The following CHST11 variants were observed in gnomAD, a reference collection of about 807,000 sequenced individuals.
The protein encoded by CHST11 is C4S-1.
A neutral mutation model predicts 30.4 loss-of-function variants in CHST11; 9 were observed. That is an observed-to-expected ratio of 0.30 (90% CI 0.18 to 0.52). CHST11 has a LOEUF of 0.52. Among genes scored for constraint, CHST11 ranks in the 20% least tolerant of loss-of-function variants. CHST11 has a pLI of 0.97. For synonymous variants in CHST11, 152 were observed against 187.8 expected (o/e 0.81, Z 1.56); for missense variants, 348 against 460.6 (o/e 0.76, Z 2.24).
rs116428336 is a variant in CHST11 at position 104,682,417 on chromosome 12, A to G, written c.205-74532A>G. Among the ~76,000 whole-genome samples, 999 of 152,378 alleles carry G rather than the reference A, an allele frequency of 6.6e-3. 14 individuals are homozygous for G. The highest frequency in any genetic ancestry group is 0.023 in the African/African-American group (947 of 41,582). On this transcript the variant is annotated intron_variant, in intron 2 of 2. Transcript: ENST00000303694. ...CAAAAGAAAAGATCAGTAATATTCTATAAGCTTTGACCTGCCTGAAGAAAC... is the reference window on the plus strand; with the variant it reads ...CAAAAGAAAAGATCAGTAATATTCTGTAAGCTTTGACCTGCCTGAAGAAAC...
In CHST11 at chr12:104,757,561, T is replaced by C; in HGVS notation, c.817T>C (p.Tyr273His). 6.2e-7 allele frequency: 1 copy of C among 1,614,136 alleles called. No homozygotes were observed. Among genetic ancestry groups the C allele is most frequent in the Non-Finnish European group, 8.5e-7 (1 of 1,180,022 alleles). ...ACTCTGCCATCCCTGCCACATCCAC[T>C]ATGACCTCGTGGGCAAGTACGAGAC... ...YSLCHPCHIH[Y>H]DLVGKYETLE... The change falls in exon 3 of 3, where the codon TAT becomes CAT. Residue 273 changes from tyrosine (Y) to histidine (H), a missense_variant. Physicochemically the swap from Tyr to His is moderately conservative, Grantham distance 83. Around this residue, in one of 3 missense-constraint regions of CHST11, gnomAD observed 210 missense variants for 287.2 expected, o/e 0.73. Transcript: ENST00000303694. This position sits in a 1 kb window ranked among gnomAD's most constrained non-coding sequence, Gnocchi z 6.5.
intron 1 of CHST11, among the ~76,000 whole-genome samples, chr12:104,592,187 G>C (rs11112121): frequency 1.4e-5 from 2 of 144,234 alleles, no homozygotes; most frequent in African/African-American, 5.1e-5. Flanking sequence ...CTCCCTTCCC[G>C]TCTCTCATGC....
At position 104,581,350 on chromosome 12, in the gene CHST11, A is replaced by G. The variant is rs146535886; in HGVS notation, c.119-20556A>G. On this transcript the variant is annotated intron_variant, in intron 1 of 2. Transcript: ENST00000303694. The stretch of plus-strand genomic sequence containing the variant: ...ATATTAGTACTATCTATGTTTATAT[A>G]TGTATATCTGTGTTTATGATTCAAG... 1.6e-3 allele frequency among the ~76,000 whole-genome samples: 251 copies of G among 152,304 alleles called. 1 individual carries two copies. The highest frequency in any genetic ancestry group is 5.8e-3 in the African/African-American group (240 of 41,560).
chr12:104,699,031 G>A (rs937948751), intron 2 of CHST11, among the ~76,000 whole-genome samples: 6 of 152,162 alleles, frequency 3.9e-5, no homozygotes, highest in East Asian at 1.9e-4. Flanking sequence ...TAAATGACTC[G>A]GCTGCATTTT....
intron 1 of CHST11, among the ~76,000 whole-genome samples, chr12:104,520,043 G>A (rs1396469817): frequency 6.6e-6 from 1 of 152,190 alleles, no homozygotes; most frequent in African/African-American, 2.4e-5. Flanking sequence ...GGGTGCAGGA[G>A]CTCCATGTTC....
intron 1 of CHST11, among the ~76,000 whole-genome samples, chr12:104,568,288 TA>T (rs2038588217): frequency 6.6e-6 from 1 of 152,216 alleles, no homozygotes; most frequent in South Asian, 2.1e-4. Context: ...GTCTAGCAGC[TA>T]CCGTTGCCAT....
intron 2 of CHST11, among the ~76,000 whole-genome samples, chr12:104,638,731 G>A (rs952786727): frequency 1.3e-4 from 20 of 152,166 alleles, no homozygotes; most frequent in African/African-American, 3.6e-4. Flanking sequence ...TGAAATCTCC[G>A]ATGAATATGT....
At chr12:104,599,361 C>T (rs764072850) in intron 1 of CHST11, among the ~76,000 whole-genome samples, 2 of 152,186 alleles carry the variant, frequency 1.3e-5, no homozygotes, top group South Asian at 2.1e-4. Flanking sequence ...CTTTTCACCG[C>T]GCGGTCCCGG....
rs1331451184 is a variant in CHST11 at position 104,676,997 on chromosome 12, ACATTT to A, written c.204+75013_204+75017del. Among the ~76,000 whole-genome samples, 2 of 152,164 alleles carry A rather than the reference ACATTT, an allele frequency of 1.3e-5. No individual in the cohort carries two copies. Among genetic ancestry groups the A allele is most frequent in the Non-Finnish European group, 2.9e-5 (2 of 68,032 alleles). Reference sequence around the variant, plus strand: ...TAGCCTGTGAGCCTAGGCTAAGCAGACATTTCATTTCTTCGCCCTTCTCCAACCTT... The same window carrying A: ...TAGCCTGTGAGCCTAGGCTAAGCAGACATTTCTTCGCCCTTCTCCAACCTT... On this transcript the variant is annotated intron_variant, in intron 2 of 2. Coordinates refer to ENST00000303694, the MANE Select transcript of CHST11 (RefSeq NM_018413.6). This position sits in a 1 kb window ranked among gnomAD's most constrained non-coding sequence, Gnocchi z 4.4.
At chr12:104,750,023 A>G (rs1009013578) in intron 2 of CHST11, among the ~76,000 whole-genome samples, 2 of 151,674 alleles carry the variant, frequency 1.3e-5, no homozygotes, top group African/African-American at 2.4e-5. Flanking sequence ...TCTGCCCCGG[A>G]TAACCTAGTT....
At chr12:104,632,277 G>T (rs75599762) in intron 2 of CHST11, among the ~76,000 whole-genome samples, 3,700 of 152,152 alleles carry the variant, frequency 0.024, 125 homozygotes, top group African/African-American at 0.076. Flanking sequence ...GCAAGCAGAG[G>T]TGTAGTGGGG....
intron 1 of CHST11, among the ~76,000 whole-genome samples, chr12:104,513,568 A>G (rs12301935): frequency 0.028 from 4,254 of 152,248 alleles, 210 homozygotes; most frequent in African/African-American, 0.097. Flanking sequence ...TGTGTCATTA[A>G]CTTTTTCCTG....
At chr12:104,539,138 CCA>C (rs1367492527) in intron 1 of CHST11, among the ~76,000 whole-genome samples, 1 of 152,186 alleles carries the variant, frequency 6.6e-6, no homozygotes, top group Non-Finnish European at 1.5e-5. Context: ...TTCCCTCTAC[CCA>C]CAAGCAGCTT....
intron 2 of CHST11, among the ~76,000 whole-genome samples, chr12:104,731,933 A>T (rs1254337707): frequency 6.6e-6 from 1 of 152,262 alleles, no homozygotes; most frequent in Non-Finnish European, 1.5e-5. Flanking sequence ...AGCCTGCCCC[A>T]GGGGCTGGCA....
rs140664329 is a variant in CHST11, at chr12:104,496,293, A to G, written c.118+38764A>G. Among the ~76,000 whole-genome samples, 98 of 152,360 alleles carry G rather than the reference A, an allele frequency of 6.4e-4. 1 individual carries two copies. Among genetic ancestry groups the G allele is most frequent in the African/African-American group, 2.1e-3 (89 of 41,578 alleles). On this transcript the variant is annotated intron_variant, in intron 1 of 2. Transcript: ENST00000303694. ...GCCACCAGATTTTCTGGAAAGCCAT[A>G]CATGTGCTATAATGCCTGTCAAATA... is the stretch of plus-strand genomic sequence containing the variant.
chr12:104,608,045 T>C (rs997602558), intron 2 of CHST11, among the ~76,000 whole-genome samples: 19 of 152,114 alleles, frequency 1.2e-4, no homozygotes, highest in Non-Finnish European at 2.2e-4. Flanking sequence ...AAATGACCAG[T>C]GCGCAGGCCT....
chr12:104,591,235 G>A (rs1373448947), intron 1 of CHST11, among the ~76,000 whole-genome samples: 2 of 152,186 alleles, frequency 1.3e-5, no homozygotes, highest in African/African-American at 2.4e-5. Context: ...TTTGGATTTT[G>A]TTCTAAGATG....
chr12:104,644,276 C>T (rs753656680), intron 2 of CHST11, among the ~76,000 whole-genome samples: 2 of 152,202 alleles, frequency 1.3e-5, no homozygotes, highest in Non-Finnish European at 2.9e-5. Flanking sequence ...CTCCCGCATG[C>T]ACTTGCTGCA....
Position 104,697,124 on chromosome 12 carries a change from C to G in CHST11, c.205-59825C>G, listed in dbSNP as rs918378881. On this transcript the variant is annotated intron_variant, in intron 2 of 2. Transcript: ENST00000303694. ...TCAGATGCACAAGTATAAGTGTGTC[C>G]CTATAGTGTGTGTCTCAGGACACCC... is the stretch of plus-strand genomic sequence containing the variant. Among the ~76,000 whole-genome samples, 31 of 152,246 alleles carry G rather than the reference C, an allele frequency of 2.0e-4. 2 individuals are homozygous for G. The highest frequency in any genetic ancestry group is 9.2e-4 in the Admixed American group (14 of 15,288).
Sources: gnomAD v4.1 joint callset for allele counts (sites outside exome capture counted in the v4.1 genomes callset) on GRCh38, gnomAD v4.1.1 for gene constraint, gnomAD v4.1.1 regional missense constraint, Gnocchi (gnomAD v3.1) non-coding constraint, MANE v1.5 for transcripts, NCBI Gene and HGNC (gene_info 2026-07-23, HGNC 2026-07-21) for gene names.